The following DISP3 variants were observed in gnomAD, a reference collection of about 807,000 sequenced individuals.
The protein encoded by DISP3 is dispatched RND transporter family member 3.
A neutral mutation model predicts 135.3 loss-of-function variants in DISP3; 101 were observed. The observed-to-expected ratio is 0.75, with a 90% CI of 0.64 to 0.88. The LOEUF (loss-of-function observed/expected upper bound fraction) is 0.88, where lower values mean the gene tolerates loss of function less well. DISP3 is among the 40% of genes least tolerant of loss of function. The pLI is 0.00. For synonymous variants in DISP3, 856 were observed against 817.0 expected, an observed-to-expected ratio of 1.05 and a Z score of -0.81; for missense variants, 1,713 against 1,878.6, an observed-to-expected ratio of 0.91 and a Z score of 1.63.
intron 1 of DISP3, among the ~76,000 whole-genome samples, chr1:11,496,815 C>A (rs963280322): frequency 3.9e-5 from 6 of 152,080 alleles, no homozygotes; most frequent in Non-Finnish European, 7.4e-5. Context: ...CTTGGAGACT[C>A]CAGGGGTGGC....
At position 11,531,756 on chromosome 1, in the gene DISP3, G is replaced by A. The variant is rs769009704; in HGVS notation, c.3375+46G>A. 85 of 1,548,956 alleles carry A rather than the reference G, an allele frequency of 5.5e-5. No individual in the cohort carries two copies. Among genetic ancestry groups the A allele is most frequent in the Admixed American group, 1.8e-4 (10 of 54,336 alleles). On this transcript the variant is annotated intron_variant, in intron 17 of 20. Coordinates refer to ENST00000294484, the MANE Select transcript of DISP3 (RefSeq NM_020780.2). This position sits in a 1 kb window ranked among gnomAD's most constrained non-coding sequence, Gnocchi z 5.2. ...TGGGTGCCATGCTGCGTACTTGCCCGGGGTGTGCCACCTCTGATCCCAGCC... is the reference window on the plus strand; with the variant it reads ...TGGGTGCCATGCTGCGTACTTGCCCAGGGTGTGCCACCTCTGATCCCAGCC...
chr1:11,495,022 C>A (rs527720428), intron 1 of DISP3, among the ~76,000 whole-genome samples: 5 of 152,128 alleles, frequency 3.3e-5, no homozygotes, highest in African/African-American at 1.2e-4. Flanking sequence ...CACCTCCCAC[C>A]AAAGCCCCAT....
intron 10 of DISP3, among the ~76,000 whole-genome samples, chr1:11,522,981 G>GCCCAGCCAGGACCCAGCCGGAA (rs1642290644): frequency 1.7e-5 from 2 of 119,018 alleles, no homozygotes; most frequent in Non-Finnish European, 3.5e-5. Flanking sequence ...CCCAGCCGGA[G>GCCCAGCCAGGACCCAGCCGGAA]CCCAGCCAGA....
At chr1:11,532,811 C>T (rs966776201) in intron 17 of DISP3, among the ~76,000 whole-genome samples, 4 of 152,180 alleles carry the variant, frequency 2.6e-5, no homozygotes, top group Non-Finnish European at 5.9e-5. Context: ...ACTTCTCCCA[C>T]CTCAGCCTCC....
intron 10 of DISP3, among the ~76,000 whole-genome samples, chr1:11,521,297 G>A (rs1218636866): frequency 7.1e-6 from 1 of 140,580 alleles, no homozygotes; most frequent in Non-Finnish European, 1.5e-5. Flanking sequence ...GAGGGGAAAG[G>A]AGGGAAGGGG....
rs1240232532 is a variant in DISP3, at chr1:11,525,442, C to G, written c.2613+130C>G. On this transcript the variant is annotated intron_variant, in intron 12 of 20. Transcript: ENST00000294484. Reference sequence around the variant, plus strand: ...CTTTGAGGATGAAGACCCCCCTCCCCTAAACCAGCCATGTCTGTGACAGGG... The same window carrying G: ...CTTTGAGGATGAAGACCCCCCTCCCGTAAACCAGCCATGTCTGTGACAGGG... 5.1e-6 allele frequency: 6 copies of G among 1,169,428 alleles called. 1 individual carries two copies. In the African/African-American group the frequency reaches 9.4e-5, roughly 18 times the overall value. 72.4% of individuals were successfully genotyped at this position (1,169,428 alleles called of 1,614,324 possible).
intron 3 of DISP3, among the ~76,000 whole-genome samples, chr1:11,508,765 C>T (rs766020067): frequency 1.4e-4 from 21 of 152,154 alleles, no homozygotes; most frequent in Non-Finnish European, 2.6e-4. Context: ...TCCCCTCAAG[C>T]ATTTATCCTT....
chr1:11,526,591 G>A, intron 12 of DISP3, 60 bp from the exon 13 acceptor site: 1 of 1,553,914 alleles, frequency 6.4e-7, no homozygotes, highest in Non-Finnish European at 8.8e-7. Context: ...CCTGAGGCTG[G>A]CCCAGGCCGA....
At chr1:11,495,318 G>A (rs1407428590) in intron 1 of DISP3, among the ~76,000 whole-genome samples, 1 of 152,306 alleles carries the variant, frequency 6.6e-6, no homozygotes, top group East Asian at 1.9e-4. Flanking sequence ...TTGAACCCGG[G>A]AGGTGGAGGT....
chr1:11,513,365 A>G (rs191234933), intron 3 of DISP3, among the ~76,000 whole-genome samples: 20 of 152,318 alleles, frequency 1.3e-4, no homozygotes, highest in African/African-American at 4.3e-4. Flanking sequence ...TATCTAAAAA[A>G]GTTTTCTATT....
intron 13 of DISP3, among the ~76,000 whole-genome samples, chr1:11,528,005 C>T (rs1008357628): frequency 2.0e-5 from 3 of 152,180 alleles, no homozygotes; most frequent in African/African-American, 7.2e-5. Context: ...GCACCTTGGC[C>T]GTCTCATTTG....
chr1:11,480,610 G>T (rs1640873701), intron 1 of DISP3, among the ~76,000 whole-genome samples: 1 of 151,562 alleles, frequency 6.6e-6, no homozygotes, highest in Non-Finnish European at 1.5e-5. Flanking sequence ...TCTCACCGAT[G>T]CCCAGTGACT....
Position 11,520,599 on chromosome 1 carries a change from G to A in DISP3, c.2201-88G>A. 1 of 1,461,540 alleles carries A rather than the reference G, an allele frequency of 6.8e-7. No homozygotes were observed. The highest frequency in any genetic ancestry group is 1.9e-5 in the Admixed American group (1 of 52,724). The allele number at this position is 1,461,540 out of a possible 1,614,324, so 90.5% of individuals were successfully genotyped here. ...TAGGACACCCGCCCCCCAACAACCA[G>A]AGCAGTTGTCTCCCGGCACTTTGGA... On this transcript the variant is annotated intron_variant, in intron 9 of 20. Coordinates refer to ENST00000294484, the MANE Select transcript of DISP3 (RefSeq NM_020780.2). This position sits in a 1 kb window ranked among gnomAD's most constrained non-coding sequence, Gnocchi z 4.8.
rs539210132 is a variant in DISP3 at position 11,519,255 on chromosome 1, A to G, written c.1890-100A>G. 146 of 1,374,408 alleles carry G rather than the reference A, an allele frequency of 1.1e-4. No individual in the cohort carries two copies. The highest frequency in any genetic ancestry group is 1.4e-4 in the Non-Finnish European group (141 of 997,248). 85.1% of individuals were successfully genotyped at this position (1,374,408 alleles called of 1,614,324 possible). ...TCATCCTGTGTGTGACGTCAGCAGC[A>G]CTGTGATACCTGGGTTCATCTGATC... On this transcript the variant is annotated intron_variant, in intron 7 of 20. Transcript: ENST00000294484. The surrounding 1 kb of genome is among the most constrained non-coding windows in gnomAD (Gnocchi z 4.3).
In DISP3 at chr1:11,519,723, A is replaced by G. The variant is rs918907507; in HGVS notation, c.2043A>G (p.Ser681=). ...PLLEVEEEPV[S]LELGDVSLVS... ...GCCACTGCTCTGCCCTGGCAGTGTC[A>G]CTGGAGCTGGGAGACGTGTCCCTGG... Residue 681 remains serine, a synonymous_variant, in exon 9 of 21, where the codon TCA becomes TCG. Coordinates refer to ENST00000294484, the MANE Select transcript of DISP3 (RefSeq NM_020780.2). This position sits in a 1 kb window ranked among gnomAD's most constrained non-coding sequence, Gnocchi z 4.3. 1 of 1,612,468 alleles carries G rather than the reference A, an allele frequency of 6.2e-7. No individual in the cohort carries two copies.
Position 11,520,945 on chromosome 1 carries a change from GC to G in DISP3, c.2362+99del. 7.3e-7 allele frequency: 1 copy of G among 1,375,414 alleles called. No individual in the cohort carries two copies. Among genetic ancestry groups the G allele is most frequent in the Non-Finnish European group, 9.7e-7 (1 of 1,027,588 alleles). 85.2% of individuals were successfully genotyped at this position (1,375,414 alleles called of 1,614,324 possible). On this transcript the variant is annotated intron_variant, in intron 10 of 20. Coordinates refer to ENST00000294484, the MANE Select transcript of DISP3 (RefSeq NM_020780.2). This position sits in a 1 kb window ranked among gnomAD's most constrained non-coding sequence, Gnocchi z 4.8. ...TGCAGGATCCAGGGTCCCCATCAAT[GC>G]CAGACCTCAGGCAAATCCCACTCCC...
chr1:11,536,247 G>A lies in DISP3; in HGVS notation c.3817-77G>A, dbSNP rs573925742. 50 of 1,516,310 alleles carry A rather than the reference G, an allele frequency of 3.3e-5. No homozygotes were observed. Among genetic ancestry groups the A allele is most frequent in the Non-Finnish European group, 4.0e-5 (45 of 1,138,370 alleles). The allele number at this position is 1,516,310 out of a possible 1,614,324, so 93.9% of individuals were successfully genotyped here. ...AGAGCAGGAACCTGGCGTGGGGTGG[G>A]GGTGCGTGATTCCCCAGGTGCTGGC... On this transcript the variant is annotated intron_variant, in intron 20 of 20. Coordinates refer to ENST00000294484, the MANE Select transcript of DISP3 (RefSeq NM_020780.2). The surrounding 1 kb of genome is among the most constrained non-coding windows in gnomAD (Gnocchi z 4.3).
intron 3 of DISP3, among the ~76,000 whole-genome samples, chr1:11,508,229 G>A (rs370245836): frequency 3.9e-5 from 6 of 152,112 alleles, no homozygotes; most frequent in Admixed American, 6.5e-5. Flanking sequence ...AAGACCAGCC[G>A]GGGAAACAGC....
At chr1:11,533,850 C>T (rs752599294) in intron 17 of DISP3, 1 of 717,716 alleles carries the variant, frequency 1.4e-6, no homozygotes, top group Non-Finnish European at 2.6e-6. Flanking sequence ...TTCTCTCATT[C>T]ATCATCCATG....
Sources: allele counts gnomAD v4.1 joint callset (sites outside exome capture counted in the v4.1 genomes callset), GRCh38; gene constraint gnomAD v4.1.1; non-coding constraint Gnocchi (gnomAD v3.1); transcripts MANE v1.5; gene names NCBI Gene and HGNC (gene_info 2026-07-23, HGNC 2026-07-21).